MAGI2: variants seen among roughly 807,000 people sequenced by gnomAD.
MAGI2 encodes the protein membrane associated guanylate kinase, WW and PDZ domain containing 2.
Under a neutral mutation model 133.3 loss-of-function variants are expected in MAGI2, and 35 were observed. The observed-to-expected ratio is 0.26, with a 90% confidence interval of 0.20 to 0.35. The LOEUF (loss-of-function observed/expected upper bound fraction) is 0.35, where lower values mean the gene tolerates loss of function less well. Ranked by LOEUF, MAGI2 falls within the 10% of genes least tolerant of loss-of-function variation. The pLI is 1.00. For missense variants in MAGI2, 1,636 were observed against 1,863.4 expected, an observed-to-expected ratio of 0.88 and a Z score of 2.25; for synonymous variants, 729 against 710.6, an observed-to-expected ratio of 1.03 and a Z score of -0.41.
chr7:78,174,490 A>G (rs1461676453), intron 14 of MAGI2, among the ~76,000 whole-genome samples: 1 of 152,218 alleles, frequency 6.6e-6, no homozygotes, highest in East Asian at 1.9e-4. Context: ...TTTTATTTTG[A>G]GCATGGTTTC....
Position 78,521,824 on chromosome 7 carries a change from A to G in MAGI2, c.539-179T>C, listed in dbSNP as rs113400227. On this transcript the variant is annotated intron_variant, in intron 3 of 21. Coordinates refer to ENST00000354212, the MANE Select transcript of MAGI2 (RefSeq NM_012301.4). ...TGTCTCTCTATATATATACATATTT[A>G]TTTGTTCCTTCTGTTGCGTTGGACT... Among the ~76,000 whole-genome samples, 22,754 of 151,978 alleles carry G rather than the reference A, an allele frequency of 0.15. 2,128 individuals carry two copies. Among genetic ancestry groups the G allele is most frequent in the Non-Finnish European group, 0.21 (13,963 of 67,952 alleles).
chr7:78,988,211 T>C (rs912830658), intron 2 of MAGI2, among the ~76,000 whole-genome samples: 1 of 152,080 alleles, frequency 6.6e-6, no homozygotes, highest in Non-Finnish European at 1.5e-5. Flanking sequence ...TGTCCAGAAC[T>C]AGTCACATGG....
intron 2 of MAGI2, among the ~76,000 whole-genome samples, chr7:78,759,227 A>C (rs1824252476): frequency 6.6e-6 from 1 of 152,182 alleles, no homozygotes; most frequent in Admixed American, 6.5e-5. Flanking sequence ...ATAAAAAAAA[A>C]CTATAATTAT....
chr7:78,633,390 A>G (rs767010870), intron 2 of MAGI2, among the ~76,000 whole-genome samples: 2 of 152,172 alleles, frequency 1.3e-5, no homozygotes, highest in African/African-American at 4.8e-5. Flanking sequence ...ATGTATCCCC[A>G]GAACCTAAAA....
chr7:79,326,277 T>C (rs1276454296), intron 1 of MAGI2, among the ~76,000 whole-genome samples: 1 of 152,160 alleles, frequency 6.6e-6, no homozygotes, highest in Non-Finnish European at 1.5e-5. Flanking sequence ...GCATGGTCAG[T>C]TCTACAGGTT....
chr7:78,816,069 C>T (rs981393140), intron 2 of MAGI2, among the ~76,000 whole-genome samples: 7 of 152,118 alleles, frequency 4.6e-5, no homozygotes, highest in Admixed American at 3.3e-4. Flanking sequence ...AAGTGCTACT[C>T]GAGTGAACAC....
chr7:78,857,613 A>G lies in MAGI2; in HGVS notation c.418+149477T>C, dbSNP rs533999079. Among the ~76,000 whole-genome samples, 3 of 152,294 alleles carry G rather than the reference A, an allele frequency of 2.0e-5. No individual in the cohort carries two copies. In the South Asian group the frequency reaches 6.2e-4, roughly 32 times the overall value. ...TCCCAGGGATGAAGCCCACTTGATC[A>G]TGGTGGATAAGCTTTTTGATGTGCT... On this transcript the variant is annotated intron_variant, in intron 2 of 21. Transcript: ENST00000354212.
chr7:78,234,180 G>A (rs1335141223), intron 10 of MAGI2, among the ~76,000 whole-genome samples: 3 of 152,168 alleles, frequency 2.0e-5, no homozygotes, highest in East Asian at 1.9e-4. Flanking sequence ...AGCCATTTAA[G>A]TATAATGGAT....
chr7:78,620,168 A>G lies in MAGI2; in HGVS notation c.538+6952T>C, dbSNP rs150905714. ...AATCTAAGCATTGACATGCCTTTCA[A>G]GAAATATTATTTATATTTCAGTGGA... On this transcript the variant is annotated intron_variant, in intron 3 of 21. Coordinates refer to ENST00000354212, the MANE Select transcript of MAGI2 (RefSeq NM_012301.4). Among the ~76,000 whole-genome samples the G allele has an allele frequency of 3.3e-4, 50 of 152,094 alleles. No homozygotes were observed. The East Asian group carries it at 8.7e-3, about 26-fold the overall frequency.
intron 20 of MAGI2, among the ~76,000 whole-genome samples, chr7:78,119,185 G>T (rs562169243): frequency 6.6e-6 from 1 of 152,262 alleles, no homozygotes; most frequent in Admixed American, 6.5e-5. Flanking sequence ...GGAACACGGA[G>T]AATTTTTAGA....
intron 1 of MAGI2, among the ~76,000 whole-genome samples, chr7:79,376,208 T>A (rs974065467): frequency 6.6e-6 from 1 of 151,902 alleles, no homozygotes; most frequent in Non-Finnish European, 1.5e-5. Flanking sequence ...ATATACCATG[T>A]TTTTTCCTAT....
At chr7:79,315,036 C>G (rs1471626467) in intron 1 of MAGI2, among the ~76,000 whole-genome samples, 1 of 152,150 alleles carries the variant, frequency 6.6e-6, no homozygotes, top group African/African-American at 2.4e-5. Context: ...CTGGTTTGAG[C>G]TGGATTTTCT....
intron 2 of MAGI2, among the ~76,000 whole-genome samples, chr7:78,826,942 T>C (rs901898351): frequency 6.6e-6 from 1 of 152,134 alleles, no homozygotes; most frequent in African/African-American, 2.4e-5. Context: ...GATTTCTCAC[T>C]GTTGAAATGA....
intron 1 of MAGI2, among the ~76,000 whole-genome samples, chr7:79,388,521 G>A (rs971691273): frequency 1.3e-4 from 19 of 151,776 alleles, no homozygotes; most frequent in African/African-American, 4.3e-4. Flanking sequence ...CATTGAATGG[G>A]CAACTTATTT....
At chr7:78,744,028 A>G (rs977938610) in intron 2 of MAGI2, among the ~76,000 whole-genome samples, 1 of 152,216 alleles carries the variant, frequency 6.6e-6, no homozygotes, top group Non-Finnish European at 1.5e-5. Flanking sequence ...TTGAAATGTT[A>G]GAAAATTACT....
At chr7:78,276,744 CTAAAGA>C (rs990177271) in intron 9 of MAGI2, among the ~76,000 whole-genome samples, 1 of 151,948 alleles carries the variant, frequency 6.6e-6, no homozygotes, top group Non-Finnish European at 1.5e-5. Flanking sequence ...ATCTTACAAG[CTAAAGA>C]TATATTTAAA....
intron 1 of MAGI2, among the ~76,000 whole-genome samples, chr7:79,145,367 G>A (rs1034120784): frequency 2.0e-5 from 3 of 152,032 alleles, no homozygotes; most frequent in African/African-American, 4.8e-5. Flanking sequence ...CATGATGTTC[G>A]ATAGAGCACA....
chr7:78,418,897 A>G (rs1295575784), intron 6 of MAGI2, among the ~76,000 whole-genome samples: 1 of 152,176 alleles, frequency 6.6e-6, no homozygotes, highest in African/African-American at 2.4e-5. Context: ...TGTGATAAAT[A>G]TATTATTTTT....
chr7:78,704,251 A>C (rs1162667799), intron 2 of MAGI2, among the ~76,000 whole-genome samples: 1 of 152,088 alleles, frequency 6.6e-6, no homozygotes, highest in South Asian at 2.1e-4. Flanking sequence ...TTAAAAAGTG[A>C]GCAAAAAACA....
Sources: gnomAD v4.1 joint callset for allele counts (sites outside exome capture counted in the v4.1 genomes callset) on GRCh38, gnomAD v4.1.1 for gene constraint, MANE v1.5 for transcripts, NCBI Gene and HGNC (gene_info 2026-07-23, HGNC 2026-07-21) for gene names.